Variants in PXDC1 observed in about 807,000 individuals in gnomAD.
The protein encoded by PXDC1 is PX domain containing 1, also known as PX domain-containing protein 1.
Under a neutral mutation model 24.4 loss-of-function variants are expected in PXDC1, and 13 were observed. The observed-to-expected ratio is 0.53, with a 90% confidence interval of 0.35 to 0.85. The LOEUF (loss-of-function observed/expected upper bound fraction) is 0.85. PXDC1 is among the 40% of genes least tolerant of loss of function. The pLI, the probability that PXDC1 is intolerant of heterozygous loss-of-function variation, is 0.01. For missense variants in PXDC1, 344 were observed against 309.3 expected, an observed-to-expected ratio of 1.11 and a Z score of -0.84; for synonymous variants, 162 against 124.9, an observed-to-expected ratio of 1.30 and a Z score of -1.98.
At position 3,725,929 on chromosome 6, in the gene PXDC1, T is replaced by A. The variant is rs1214923410; in HGVS notation, c.578+1622A>T. On this transcript the variant is annotated intron_variant, in intron 4 of 4. Transcript: ENST00000380283. This position sits in a 1 kb window ranked among gnomAD's most constrained non-coding sequence, Gnocchi z 4.8. ...CTCGGCCCTCTCTGTGAGCCAGGCA[T>A]CCCGGAGCAGGTGGCCGCCTATTCA... Among the ~76,000 whole-genome samples the A allele has an allele frequency of 6.6e-6, 1 of 152,092 alleles. No individual in the cohort carries two copies. Among genetic ancestry groups the A allele is most frequent in the Non-Finnish European group, 1.5e-5 (1 of 68,008 alleles).
chr6:3,744,224 C>G (rs1760513512), intron 1 of PXDC1, among the ~76,000 whole-genome samples: 2 of 152,214 alleles, frequency 1.3e-5, no homozygotes, highest in Admixed American at 6.5e-5. Context: ...ATCACAGGTT[C>G]CCAGGGGGAG....
intron 4 of PXDC1, among the ~76,000 whole-genome samples, chr6:3,726,505 C>T (rs907541116): frequency 2.6e-5 from 4 of 152,230 alleles, no homozygotes; most frequent in Middle Eastern, 3.2e-3. Context: ...CTGGTAAAGA[C>T]GGGGTCTGTT....
chr6:3,723,081 G>GA lies in PXDC1; in HGVS notation c.*537dup, dbSNP rs1199806752. On this transcript the variant is annotated 3_prime_UTR_variant, in exon 5 of 5. Coordinates refer to ENST00000380283, the MANE Select transcript of PXDC1 (RefSeq NM_183373.4). ...CCAGTTTCCAGATAAAAGATAAAAA[G>GA]AAAAAAAAAAAGGCCACATATCCCA... is the stretch of plus-strand genomic sequence containing the variant. 2.4e-4 allele frequency: 33 copies of GA among 139,412 alleles called. No individual in the cohort carries two copies. Among genetic ancestry groups the GA allele is most frequent in the Non-Finnish European group, 2.7e-4 (17 of 63,740 alleles). 8.6% of individuals were successfully genotyped at this position (139,412 alleles called of 1,614,324 possible). A position where few individuals can be genotyped will look rare whatever the true frequency, so the allele number is the denominator to read the frequency against.
rs1370196418 is a variant in PXDC1, at chr6:3,724,365, C to G, written c.579-629G>C. 2.0e-5 allele frequency among the ~76,000 whole-genome samples: 3 copies of G among 152,050 alleles called. 1 individual carries two copies. Among genetic ancestry groups the G allele is most frequent in the Admixed American group, 1.3e-4 (2 of 15,266 alleles). ...GGAGAACTAGGGAAGAATACAAACC[C>G]CAAACATAAGGGGACGTAAAAGCCC... On this transcript the variant is annotated intron_variant, in intron 4 of 4. Transcript: ENST00000380283. This position sits in a 1 kb window ranked among gnomAD's most constrained non-coding sequence, Gnocchi z 4.5.
Position 3,737,137 on chromosome 6 carries a change from T to TA in PXDC1, c.407dup (p.Leu136PhefsTer4). 6.2e-7 allele frequency: 1 copy of TA among 1,613,968 alleles called. No individual in the cohort carries two copies. Among genetic ancestry groups the TA allele is most frequent in the Non-Finnish European group, 8.5e-7 (1 of 1,179,776 alleles). The stretch of plus-strand genomic sequence containing the variant: ...GAATTTTATGCACATTATCATTTTT[T>TA]AACACCTGATCCAGAGGAGATCTTT... On this transcript the variant is annotated frameshift_variant, in exon 3 of 5. Coordinates refer to ENST00000380283, the MANE Select transcript of PXDC1 (RefSeq NM_183373.4). LOFTEE classifies it high-confidence loss of function. The surrounding 1 kb of genome is among the most constrained non-coding windows in gnomAD (Gnocchi z 5.5).
At chr6:3,727,416 A>C in intron 4 of PXDC1, 135 bp downstream of exon 4, 1 of 603,142 alleles carries the variant, frequency 1.7e-6, no homozygotes, top group South Asian at 2.2e-5. Flanking sequence ...TTCTAAAATC[A>C]GTGTCCAAAT....
chr6:3,726,502 A>AGAC (rs1399152767), intron 4 of PXDC1, among the ~76,000 whole-genome samples: 1 of 152,230 alleles, frequency 6.6e-6, no homozygotes, highest in Non-Finnish European at 1.5e-5. Context: ...ACACTGGTAA[A>AGAC]GACGGGGTCT....
Position 3,732,675 on chromosome 6 carries a change from C to T in PXDC1, c.466+4404G>A, listed in dbSNP as rs573019916. ...TGCAGTCCATCCTGACTGTCCTCAC[C>T]GTGGCCCCAGGATGTGGAAACAGTC... On this transcript the variant is annotated intron_variant, in intron 3 of 4. Coordinates refer to ENST00000380283, the MANE Select transcript of PXDC1 (RefSeq NM_183373.4). Among the ~76,000 whole-genome samples the T allele has an allele frequency of 3.0e-4, 46 of 152,348 alleles. 1 individual carries two copies. Among genetic ancestry groups the T allele is most frequent in the Middle Eastern group, 3.4e-3 (1 of 294 alleles).
intron 4 of PXDC1, among the ~76,000 whole-genome samples, chr6:3,726,059 T>C (rs1190882413): frequency 6.6e-6 from 1 of 152,194 alleles, no homozygotes; most frequent in Admixed American, 6.5e-5. Context: ...AGCTCCAGCC[T>C]GCTCACAGTT....
At chr6:3,748,488 A>G (rs1387511299) in intron 1 of PXDC1, among the ~76,000 whole-genome samples, 1 of 152,118 alleles carries the variant, frequency 6.6e-6, no homozygotes, top group African/African-American at 2.4e-5. Flanking sequence ...CCAGGCAGGG[A>G]TTGACATATC....
intron 4 of PXDC1, 51 bp downstream of exon 4, chr6:3,727,500 G>A (rs1293702563): frequency 7.5e-7 from 1 of 1,334,170 alleles, no homozygotes; most frequent in Admixed American, 1.7e-5. Context: ...ATCCCACAAG[G>A]CAAATGGCTC....
chr6:3,741,722 A>C (rs1207506927), intron 1 of PXDC1, among the ~76,000 whole-genome samples: 1 of 152,178 alleles, frequency 6.6e-6, no homozygotes. Flanking sequence ...GGCGACAAGA[A>C]CGCAGCGCGG....
At position 3,723,440 on chromosome 6, in the gene PXDC1, C is replaced by G; in HGVS notation, c.*179G>C. The G allele has an allele frequency of 1.6e-6, 1 of 637,688 alleles. No homozygotes were observed. The highest frequency in any genetic ancestry group is 1.9e-5 in the South Asian group (1 of 52,982). 39.5% of individuals were successfully genotyped at this position (637,688 alleles called of 1,614,324 possible). A position where few individuals can be genotyped will look rare whatever the true frequency, so the allele number is the denominator to read the frequency against. On this transcript the variant is annotated 3_prime_UTR_variant, in exon 5 of 5. Transcript: ENST00000380283. ...CTGGAGACTCTGCGGTCAGCCTGGC[C>G]CACTAGGAGCCCCTGCTGCTCCACT...
At chr6:3,734,874 C>T (rs896779563) in intron 3 of PXDC1, among the ~76,000 whole-genome samples, 1 of 152,116 alleles carries the variant, frequency 6.6e-6, no homozygotes, top group African/African-American at 2.4e-5. Context: ...TGCTTGAGCT[C>T]AGGAGTTTCA....
At chr6:3,734,760 C>G (rs542513078) in intron 3 of PXDC1, among the ~76,000 whole-genome samples, 1 of 151,782 alleles carries the variant, frequency 6.6e-6, no homozygotes, top group South Asian at 2.1e-4. Context: ...CATCAAAATA[C>G]AAATGACATT....
At chr6:3,744,557 G>A (rs1760522984) in intron 1 of PXDC1, among the ~76,000 whole-genome samples, 1 of 152,208 alleles carries the variant, frequency 6.6e-6, no homozygotes. Flanking sequence ...GGGCAGGGGT[G>A]GGGAGAGCTG....
At position 3,725,248 on chromosome 6, in the gene PXDC1, T is replaced by C. The variant is rs920002476; in HGVS notation, c.579-1512A>G. Among the ~76,000 whole-genome samples the C allele has an allele frequency of 2.0e-5, 3 of 152,074 alleles. No individual in the cohort carries two copies. Among genetic ancestry groups the C allele is most frequent in the Admixed American group, 1.3e-4 (2 of 15,280 alleles). ...CACCTGCCCGTCCTCCCTGCCCAGA[T>C]CACAGGATGACCCTGAGGACATGAG... is the stretch of plus-strand genomic sequence containing the variant. On this transcript the variant is annotated intron_variant, in intron 4 of 4. Coordinates refer to ENST00000380283, the MANE Select transcript of PXDC1 (RefSeq NM_183373.4). The surrounding 1 kb of genome is among the most constrained non-coding windows in gnomAD (Gnocchi z 4.8).
At chr6:3,748,178 C>A (rs577846687) in intron 1 of PXDC1, among the ~76,000 whole-genome samples, 1 of 152,228 alleles carries the variant, frequency 6.6e-6, no homozygotes, top group South Asian at 2.1e-4. Context: ...ACAGAGGGGA[C>A]TGAAATGAAA....
At chr6:3,739,894 G>A (rs1277049247) in intron 1 of PXDC1, among the ~76,000 whole-genome samples, 1 of 152,204 alleles carries the variant, frequency 6.6e-6, no homozygotes, top group Non-Finnish European at 1.5e-5. Context: ...GCTCAGGGAA[G>A]TCTACCAAGG....
Sources: allele counts gnomAD v4.1 joint callset (sites outside exome capture counted in the v4.1 genomes callset), GRCh38; gene constraint gnomAD v4.1.1; non-coding constraint Gnocchi (gnomAD v3.1); transcripts MANE v1.5; gene names NCBI Gene and HGNC (gene_info 2026-07-23, HGNC 2026-07-21).